KDM2B: variants seen among roughly 807,000 people sequenced by gnomAD.
KDM2B encodes lysine-specific demethylase 2B.
A neutral mutation model predicts 150.0 loss-of-function variants in KDM2B; 26 were observed. That is an observed-to-expected ratio of 0.17 (90% CI 0.13 to 0.24). KDM2B has a LOEUF of 0.24. Among genes scored for constraint, KDM2B ranks in the 10% least tolerant of loss-of-function variants. The pLI is 1.00. For missense variants in KDM2B, 1,265 were observed against 1,816.9 expected (o/e 0.70, Z 5.52); for synonymous variants, 734 against 729.5 (o/e 1.01, Z -0.10).
chr12:121,426,574 G>C (rs1872522370), downstream of KDM2B, among the ~76,000 whole-genome samples: 1 of 150,672 alleles, frequency 6.6e-6, no homozygotes, highest in Admixed American at 6.6e-5. Flanking sequence ...GCCTCCCCAG[G>C]AGCTGGCATA....
Position 121,533,028 on chromosome 12 carries a change from C to T in KDM2B, c.778-69G>A. On this transcript the variant is annotated intron_variant, in intron 7 of 22. Coordinates refer to ENST00000377071, the MANE Select transcript of KDM2B (RefSeq NM_032590.5). The surrounding 1 kb of genome is among the most constrained non-coding windows in gnomAD (Gnocchi z 4.1). Reference sequence around the variant, plus strand: ...ACAAGACCCAGAGAGAGGGCCCCACCTGCCTGGCGGAAGGGGAGGGGGCGA... The same window carrying T: ...ACAAGACCCAGAGAGAGGGCCCCACTTGCCTGGCGGAAGGGGAGGGGGCGA... 1.3e-6 allele frequency: 2 copies of T among 1,549,896 alleles called. No homozygotes were observed. Among genetic ancestry groups the T allele is most frequent in the African/African-American group, 1.4e-5 (1 of 73,802 alleles).
chr12:121,546,441 G>A (rs1447912733), intron 6 of KDM2B, among the ~76,000 whole-genome samples: 1 of 139,320 alleles, frequency 7.2e-6, no homozygotes, highest in African/African-American at 2.7e-5. Context: ...GGAGTGCAGT[G>A]GCGCGATCTC....
At chr12:121,527,571 G>A (rs1286109367) in intron 8 of KDM2B, among the ~76,000 whole-genome samples, 3 of 147,562 alleles carry the variant, frequency 2.0e-5, no homozygotes, top group African/African-American at 5.0e-5. Context: ...GGAGAATGGC[G>A]TGAACCCAGG....
intron 4 of KDM2B, among the ~76,000 whole-genome samples, chr12:121,565,770 C>T (rs1555314768): frequency 6.6e-6 from 1 of 151,976 alleles, no homozygotes; most frequent in African/African-American, 2.4e-5. Flanking sequence ...GGATTACAGG[C>T]ACCTGCCACC....
In KDM2B at chr12:121,580,998, T is replaced by G; in HGVS notation, c.-87A>C. ...TGCCTAACTTTTAAACTCCCGGCAC[T>G]CAAAGATGTGGACACACACACGTAC... On this transcript the variant is annotated 5_prime_UTR_variant, in exon 1 of 23. Coordinates refer to ENST00000377071, the MANE Select transcript of KDM2B (RefSeq NM_032590.5). 1 of 1,531,048 alleles carries G rather than the reference T, an allele frequency of 6.5e-7. No homozygotes were observed. The allele number at this position is 1,531,048 out of a possible 1,614,324, so 94.8% of individuals were successfully genotyped here.
Position 121,468,926 on chromosome 12 carries a change from TCTCA to T in KDM2B, c.1735-15586_1735-15583del, listed in dbSNP as rs1555295399. On this transcript the variant is annotated intron_variant, in intron 12 of 22. Transcript: ENST00000377071. The surrounding 1 kb of genome is among the most constrained non-coding windows in gnomAD (Gnocchi z 4.0). Reference sequence around the variant, plus strand: ...TTACTCTCCTTTTTTTGAGACAGACTCTCACTCTGTCGCCCAGGCTGGAGTGCAG... The same window carrying T: ...TTACTCTCCTTTTTTTGAGACAGACTCTCTGTCGCCCAGGCTGGAGTGCAG... 4 of 152,108 alleles carry T rather than the reference TCTCA, an allele frequency of 2.6e-5. No homozygotes were observed. The highest frequency in any genetic ancestry group is 9.7e-5 in the African/African-American group (4 of 41,406). The allele number at this position is 152,108 out of a possible 1,614,324, so 9.4% of individuals were successfully genotyped here.
chr12:121,461,577 G>C (rs1286460160), intron 12 of KDM2B, among the ~76,000 whole-genome samples: 4 of 152,110 alleles, frequency 2.6e-5, no homozygotes, highest in Non-Finnish European at 4.4e-5. Context: ...CTGAACATGG[G>C]GTATGCAAGC....
intron 4 of KDM2B, among the ~76,000 whole-genome samples, chr12:121,557,351 C>T (rs1889977184): frequency 6.6e-6 from 1 of 151,020 alleles, no homozygotes; most frequent in Admixed American, 6.6e-5. Context: ...GATTCTCCTG[C>T]CTCAACCTCC....
At chr12:121,466,653 C>G (rs1555294842) in intron 12 of KDM2B, among the ~76,000 whole-genome samples, 1 of 150,806 alleles carries the variant, frequency 6.6e-6, no homozygotes, top group African/African-American at 2.4e-5. Context: ...AAGCTCGGGC[C>G]GTCGGGCCCA....
intron 6 of KDM2B, among the ~76,000 whole-genome samples, chr12:121,542,203 G>A (rs1888659238): frequency 6.6e-6 from 1 of 152,246 alleles, no homozygotes; most frequent in Non-Finnish European, 1.5e-5. Flanking sequence ...CCTATGGAGA[G>A]CTATATGTGG....
rs782727265 is a variant in KDM2B at position 121,521,053 on chromosome 12, C to T, written c.979G>A (p.Gly327Arg). The T allele has an allele frequency of 6.2e-7, 1 of 1,614,008 alleles. No individual in the cohort carries two copies. Among genetic ancestry groups the T allele is most frequent in the Non-Finnish European group, 8.5e-7 (1 of 1,179,982 alleles). The change falls in exon 9 of 23, where the codon GGA becomes AGA. Residue 327 changes from glycine to arginine, a missense_variant. Gly to Arg is a moderately radical substitution (Grantham distance 125). This residue lies in a region of KDM2B where 214 missense variants were observed against 447.4 expected (regional missense o/e 0.48). Transcript: ENST00000377071. The surrounding 1 kb of genome is among the most constrained non-coding windows in gnomAD (Gnocchi z 4.9). ...YTPVDSLVFG[G>R]NILHSFNVPM... ...ACGTTAAAGCTGTGCAGGATGTTTCCGCCGAACACCAAAGAGTCTACAGGG... is the reference window on the plus strand; with the variant it reads ...ACGTTAAAGCTGTGCAGGATGTTTCTGCCGAACACCAAAGAGTCTACAGGG...
intron 12 of KDM2B, among the ~76,000 whole-genome samples, chr12:121,484,927 A>G (rs992156635): frequency 2.0e-5 from 3 of 152,128 alleles, no homozygotes; most frequent in African/African-American, 2.4e-5. Context: ...CCCAAAATTC[A>G]TATGTTGAAA....
chr12:121,457,226 T>C (rs1878400032), intron 12 of KDM2B, among the ~76,000 whole-genome samples: 2 of 152,228 alleles, frequency 1.3e-5, no homozygotes, highest in African/African-American at 4.8e-5. Context: ...TTTTGGGTGC[T>C]ACCCAAAGTT....
chr12:121,579,989 GAAAAAAA>G (rs35855511), intron 1 of KDM2B: 312 of 1,208,628 alleles, frequency 2.6e-4, no homozygotes, highest in African/African-American at 3.4e-4. Context: ...TACAGATTTG[GAAAAAAA>G]AAAAAAAAAA....
At chr12:121,501,310 C>T (rs1183594684) in intron 11 of KDM2B, among the ~76,000 whole-genome samples, 8 of 152,156 alleles carry the variant, frequency 5.3e-5, no homozygotes, top group East Asian at 1.9e-4. Context: ...ACCCGGGAGG[C>T]GGATGTTGCA....
chr12:121,415,556 C>T, the KDM2B span, among the ~76,000 whole-genome samples: 1 of 152,068 alleles, frequency 6.6e-6, no homozygotes, highest in Non-Finnish European at 1.5e-5. Flanking sequence ...GTGGAGGTTG[C>T]AGTGAGCCGA....
chr12:121,467,383 G>A lies in KDM2B; in HGVS notation c.1735-14039C>T. The A allele has an allele frequency of 3.1e-6, 3 of 975,796 alleles. No homozygotes were observed. The highest frequency in any genetic ancestry group is 1.8e-5 in the African/African-American group (1 of 56,698). The allele number at this position is 975,796 out of a possible 1,614,324, so 60.4% of individuals were successfully genotyped here. Reference sequence around the variant, plus strand: ...CGCGCCTCGCACGCCCGCGCTGGAGGGGGCGGGGAGGGGCCGGCGGGGGAG... The same window carrying A: ...CGCGCCTCGCACGCCCGCGCTGGAGAGGGCGGGGAGGGGCCGGCGGGGGAG... On this transcript the variant is annotated intron_variant, in intron 12 of 22. Coordinates refer to ENST00000377071, the MANE Select transcript of KDM2B (RefSeq NM_032590.5). This position sits in a 1 kb window ranked among gnomAD's most constrained non-coding sequence, Gnocchi z 5.1.
At chr12:121,539,524 C>G (rs1888434293) in intron 6 of KDM2B, among the ~76,000 whole-genome samples, 1 of 152,008 alleles carries the variant, frequency 6.6e-6, no homozygotes, top group African/African-American at 2.4e-5. Flanking sequence ...TGCAGCAACC[C>G]TATAATTACT....
At chr12:121,560,271 C>G (rs1890242736) in intron 4 of KDM2B, among the ~76,000 whole-genome samples, 1 of 152,156 alleles carries the variant, frequency 6.6e-6, no homozygotes, top group East Asian at 1.9e-4. Context: ...TCCCAAAGCA[C>G]TGGGATGACA....
Sources: gnomAD v4.1 joint callset for allele counts (sites outside exome capture counted in the v4.1 genomes callset) on GRCh38, gnomAD v4.1.1 for gene constraint, gnomAD v4.1.1 regional missense constraint, Gnocchi (gnomAD v3.1) non-coding constraint, MANE v1.5 for transcripts, NCBI Gene and HGNC (gene_info 2026-07-23, HGNC 2026-07-21) for gene names.